PSMA1: variants seen among roughly 807,000 people sequenced by gnomAD.
PSMA1 encodes the protein proteasome 20S subunit alpha 1.
A neutral mutation model predicts 38.4 loss-of-function variants in PSMA1; 3 were observed. The ratio of observed to expected loss-of-function variants is 0.08; its 90% CI spans 0.04 to 0.20. PSMA1 has a LOEUF of 0.20. Among genes scored for constraint, PSMA1 ranks in the 10% least tolerant of loss-of-function variants. The pLI is 1.00. For missense variants in PSMA1, 227 were observed against 325.3 expected, an observed-to-expected ratio of 0.70 and a Z score of 2.32; for synonymous variants, 101 against 107.1, an observed-to-expected ratio of 0.94 and a Z score of 0.35.
chr11:14,587,045 A>G (rs1455725548), intron 2 of PSMA1, among the ~76,000 whole-genome samples: 1 of 152,106 alleles, frequency 6.6e-6, no homozygotes, highest in East Asian at 1.9e-4. Flanking sequence ...AATTTACTTA[A>G]TATCTTTGCC....
intron 2 of PSMA1, among the ~76,000 whole-genome samples, chr11:14,525,673 C>T (rs1851577466): frequency 6.6e-6 from 1 of 152,134 alleles, no homozygotes. Flanking sequence ...TCCTCAATAC[C>T]TTCCTCCACA....
intron 1 of PSMA1, among the ~76,000 whole-genome samples, chr11:14,626,049 G>T (rs972254199): frequency 3.3e-5 from 5 of 151,858 alleles, no homozygotes; most frequent in Non-Finnish European, 7.4e-5. Context: ...TTCAAAAAAC[G>T]TTATTTTTGC....
chr11:14,595,435 G>C (rs1272412393), intron 2 of PSMA1, among the ~76,000 whole-genome samples: 1 of 152,120 alleles, frequency 6.6e-6, no homozygotes, highest in Admixed American at 6.5e-5. Flanking sequence ...ACTTTTTAAT[G>C]ACTGCCATAC....
At chr11:14,583,408 G>A (rs1852305549) in intron 2 of PSMA1, among the ~76,000 whole-genome samples, 1 of 152,198 alleles carries the variant, frequency 6.6e-6, no homozygotes, top group African/African-American at 2.4e-5. Context: ...GCAGACGAGT[G>A]CCTTCAGGGC....
chr11:14,512,860 C>A (rs1373460412), intron 7 of PSMA1, among the ~76,000 whole-genome samples: 1 of 152,204 alleles, frequency 6.6e-6, no homozygotes, highest in Non-Finnish European at 1.5e-5. Context: ...CAATGTTAAA[C>A]TTTAAGCCAG....
chr11:14,622,919 TA>T (rs2133712275), intron 1 of PSMA1, among the ~76,000 whole-genome samples: 1 of 152,312 alleles, frequency 6.6e-6, no homozygotes, highest in South Asian at 2.1e-4. Flanking sequence ...ATGCCATTTG[TA>T]GCATAGAATT....
At chr11:14,608,293 G>A (rs1852666669) in intron 2 of PSMA1, among the ~76,000 whole-genome samples, 1 of 152,028 alleles carries the variant, frequency 6.6e-6, no homozygotes, top group African/African-American at 2.4e-5. Flanking sequence ...GGAGGCTGCA[G>A]TGAGCTATGA....
At chr11:14,590,653 G>A (rs1246840705) in intron 2 of PSMA1, among the ~76,000 whole-genome samples, 3 of 152,180 alleles carry the variant, frequency 2.0e-5, no homozygotes, top group Admixed American at 2.0e-4. Context: ...GAATGAGTTG[G>A]TTGTTGGTGA....
rs35509045 is a variant in PSMA1, at chr11:14,558,249, C to CAAAAAAAA, written c.22-39216_22-39209dup. The stretch of plus-strand genomic sequence containing the variant: ...GCAAGGTAGTGAGAGCCCATCTGCA[C>CAAAAAAAA]AAAAAAAAAAAAAAAAAAAAAATAC... On this transcript the variant is annotated intron_variant, in intron 2 of 10. Coordinates refer to the PSMA1 transcript ENST00000418988. Among the ~76,000 whole-genome samples the CAAAAAAAA allele has an allele frequency of 1.5e-4, 12 of 78,014 alleles. No individual in the cohort carries two copies. In the South Asian group the frequency reaches 5.5e-3, roughly 36 times the overall value. 51.2% of individuals were successfully genotyped at this position (78,014 alleles called of 152,430 possible).
chr11:14,636,000 A>AT (rs536076956), intron 1 of PSMA1, among the ~76,000 whole-genome samples: 4 of 151,902 alleles, frequency 2.6e-5, no homozygotes, highest in Admixed American at 6.6e-5. Flanking sequence ...TTTTAAACTT[A>AT]TTTTTTTTAC....
intron 2 of PSMA1, among the ~76,000 whole-genome samples, chr11:14,599,700 G>A (rs1014797914): frequency 5.3e-5 from 8 of 151,976 alleles, no homozygotes; most frequent in African/African-American, 1.7e-4. Context: ...CCTTTACCTC[G>A]GAGAAGTCTG....
At chr11:14,599,890 G>A (rs1852558258) in intron 2 of PSMA1, among the ~76,000 whole-genome samples, 1 of 152,164 alleles carries the variant, frequency 6.6e-6, no homozygotes, top group South Asian at 2.1e-4. Context: ...ATCTACCTTT[G>A]GTCTTTGATG....
intron 4 of PSMA1, among the ~76,000 whole-genome samples, chr11:14,516,387 G>A (rs1851429889): frequency 6.6e-6 from 1 of 152,112 alleles, no homozygotes; most frequent in African/African-American, 2.4e-5. Context: ...AAAATTTTTT[G>A]TAGAGATGGG....
Position 14,531,008 on chromosome 11 carries a change from T to C in PSMA1, c.22-11967A>G, listed in dbSNP as rs570764390. 1.2e-4 allele frequency among the ~76,000 whole-genome samples: 19 copies of C among 152,276 alleles called. No homozygotes were observed. The South Asian group carries it at 3.7e-3, about 30-fold the overall frequency. ...CCAAAAGTTGAAGTCTAAAACTCTA[T>C]GTTTCTAGTACTCTTCTAGTAGATA... On this transcript the variant is annotated intron_variant, in intron 2 of 10. Transcript: ENST00000418988.
intron 1 of PSMA1, among the ~76,000 whole-genome samples, chr11:14,621,481 G>C (rs528518641): frequency 1.3e-5 from 2 of 152,032 alleles, no homozygotes; most frequent in South Asian, 4.2e-4. Context: ...ATGTTGCCCA[G>C]GCTGGTCTCA....
chr11:14,611,492 T>C (rs948697171), intron 1 of PSMA1, among the ~76,000 whole-genome samples: 1 of 152,168 alleles, frequency 6.6e-6, no homozygotes, highest in Non-Finnish European at 1.5e-5. Flanking sequence ...GTATAAATAG[T>C]AGAGCTAGGG....
rs1237619687 is a variant in PSMA1, at chr11:14,639,530, TAA to T, written c.-166+3923_-166+3924del. Reference sequence around the variant, plus strand: ...GCATGAAGATTGAGCTAAGATTGAATAAGAGAGAATTCTTGTTTGAAGAATAT... The same window carrying T: ...GCATGAAGATTGAGCTAAGATTGAATGAGAGAATTCTTGTTTGAAGAATAT... On this transcript the variant is annotated intron_variant, in intron 1 of 10. Coordinates refer to the PSMA1 transcript ENST00000418988. 1.2e-4 allele frequency among the ~76,000 whole-genome samples: 18 copies of T among 152,222 alleles called. 1 individual carries two copies. Among genetic ancestry groups the T allele is most frequent in the Admixed American group, 1.2e-3 (18 of 15,290 alleles).
chr11:14,517,192 TAAGAC>T (rs1851444890), intron 4 of PSMA1, among the ~76,000 whole-genome samples: 2 of 152,180 alleles, frequency 1.3e-5, no homozygotes, highest in Admixed American at 1.3e-4. Context: ...CAAGTTCCCT[TAAGAC>T]AAGATCCATG....
At chr11:14,531,621 A>G (rs562506390) in intron 2 of PSMA1, among the ~76,000 whole-genome samples, 1 of 151,924 alleles carries the variant, frequency 6.6e-6, no homozygotes, top group African/African-American at 2.4e-5. Flanking sequence ...CACCACACCC[A>G]CCTAATTTTT....
Sources: gnomAD v4.1 joint callset for allele counts (sites outside exome capture counted in the v4.1 genomes callset) on GRCh38, gnomAD v4.1.1 for gene constraint, MANE v1.5 for transcripts, NCBI Gene and HGNC (gene_info 2026-07-23, HGNC 2026-07-21) for gene names.